COL11A1: variants seen among roughly 807,000 people sequenced by gnomAD.
COL11A1 encodes collagen alpha-1(XI) chain.
In COL11A1, 74 loss-of-function variants were observed where a neutral mutation model predicts 265.2. That is an observed-to-expected ratio of 0.28 (90% CI 0.23 to 0.34). The LOEUF is 0.34. Among genes scored for constraint, COL11A1 ranks in the 10% least tolerant of loss-of-function variants. The pLI is 1.00. For missense variants in COL11A1, 2,165 were observed against 2,263.6 expected (o/e 0.96, Z 0.88); for synonymous variants, 816 against 727.6 (o/e 1.12, Z -1.96).
At chr1:102,979,002 T>A (rs1195752118) in intron 33 of COL11A1, 58 bp downstream of exon 33, 1 of 1,608,460 alleles carries the variant, frequency 6.2e-7, no homozygotes, top group African/African-American at 1.3e-5. Flanking sequence ...AAATAAATTA[T>A]CTTGATACAC....
intron 4 of COL11A1, among the ~76,000 whole-genome samples, chr1:103,056,427 A>C (rs1670256160): frequency 1.3e-5 from 2 of 152,190 alleles, no homozygotes; most frequent in African/African-American, 4.8e-5. Flanking sequence ...AAATACCAAT[A>C]TTCTGACAGT....
At chr1:103,017,996 T>C (rs1462610115) in intron 10 of COL11A1, 114 bp from the exon 11 acceptor site, 2 of 891,220 alleles carry the variant, frequency 2.2e-6, no homozygotes, top group South Asian at 1.4e-5. Context: ...TACACTAGAG[T>C]TCTAAACAGT....
intron 41 of COL11A1, among the ~76,000 whole-genome samples, chr1:102,948,761 A>G (rs1659575414): frequency 6.6e-6 from 1 of 151,742 alleles, no homozygotes; most frequent in South Asian, 2.1e-4. Context: ...TTAATTTAAT[A>G]ATATTAAAAT....
Position 103,018,870 on chromosome 1 carries a change from A to G in COL11A1, c.1309-11T>C. The G allele has an allele frequency of 6.2e-7, 1 of 1,610,024 alleles. No individual in the cohort carries two copies. Among genetic ancestry groups the G allele is most frequent in the East Asian group, 2.2e-5 (1 of 44,782 alleles). ...TTCGACAAGCATACCCTATAACAGG[A>G]AAAGAGAACATCTCTACCAGGGAAA... On this transcript the variant is annotated splice_polypyrimidine_tract_variant and intron_variant, in intron 9 of 66. Transcript: ENST00000370096.
intron 1 of COL11A1, among the ~76,000 whole-genome samples, chr1:103,094,647 A>G (rs1673599977): frequency 6.6e-6 from 1 of 152,088 alleles, no homozygotes; most frequent in East Asian, 1.9e-4. Context: ...AATCTTTATG[A>G]TGATTCACTT....
At position 103,003,253 on chromosome 1, in the gene COL11A1, G is replaced by T; in HGVS notation, c.1960C>A (p.Leu654Met). ...GCTCCTGGAGTTCCCCTTGGACCCA[G>T]CAAACCTCGTGGGCCCTAGGAGAAA... The part of the protein sequence containing the change: ...LPGEAGPRGL[L>M]GPRGTPGAPG... Residue 654 changes from leucine to methionine, a missense_variant, in exon 21 of 67, where the codon CTG becomes ATG. Coordinates refer to ENST00000370096, the MANE Select transcript of COL11A1 (RefSeq NM_001854.4). 1.2e-6 allele frequency: 2 copies of T among 1,613,044 alleles called. No homozygotes were observed. Among genetic ancestry groups the T allele is most frequent in the Admixed American group, 1.7e-5 (1 of 59,828 alleles).
chr1:102,891,351 C>G (rs1191180826), intron 57 of COL11A1, among the ~76,000 whole-genome samples: 1 of 151,842 alleles, frequency 6.6e-6, no homozygotes, highest in Non-Finnish European at 1.5e-5. Flanking sequence ...TAAATTGCAC[C>G]TCATATCTAA....
chr1:103,061,830 G>C (rs910175416), intron 4 of COL11A1, among the ~76,000 whole-genome samples: 1 of 151,802 alleles, frequency 6.6e-6, no homozygotes, highest in Non-Finnish European at 1.5e-5. Context: ...CAGAACAAAA[G>C]AAAATTAAAT....
At chr1:102,925,088 G>A (rs974300246) in intron 46 of COL11A1, among the ~76,000 whole-genome samples, 1 of 151,880 alleles carries the variant, frequency 6.6e-6, no homozygotes, top group African/African-American at 2.4e-5. Flanking sequence ...CAATGTAAAA[G>A]CTCTAAATAA....
Position 103,074,796 on chromosome 1 carries a change from A to G in COL11A1, c.489-16T>C, listed in dbSNP as rs371086230. On this transcript the variant is annotated splice_polypyrimidine_tract_variant and intron_variant, in intron 3 of 66. Transcript: ENST00000370096. ...CCGATGCCACCTAAAAAAGACAAGT[A>G]ATTCTTTTGTAAGCTTCAAAGAAAC... The G allele has an allele frequency of 2.4e-5, 38 of 1,612,476 alleles. No individual in the cohort carries two copies. The highest frequency in any genetic ancestry group is 1.1e-4 in the African/African-American group (8 of 74,860).
rs1480003894 is a variant in COL11A1 at position 102,912,147 on chromosome 1, A to G, written c.4086+12T>C. 1 of 1,604,628 alleles carries G rather than the reference A, an allele frequency of 6.2e-7. No homozygotes were observed. Among genetic ancestry groups the G allele is most frequent in the African/African-American group, 1.3e-5 (1 of 74,754 alleles). On this transcript the variant is annotated intron_variant, in intron 54 of 66. Coordinates refer to ENST00000370096, the MANE Select transcript of COL11A1 (RefSeq NM_001854.4). The stretch of plus-strand genomic sequence containing the variant: ...GAGCATATGTTTCAAATAAAGAATT[A>G]AAGAAACTTACTCGTTTTCCAGGAG...
At chr1:103,075,838 A>C (rs1337446543) in intron 3 of COL11A1, among the ~76,000 whole-genome samples, 1 of 152,122 alleles carries the variant, frequency 6.6e-6, no homozygotes, top group Non-Finnish European at 1.5e-5. Context: ...TTCCATATAC[A>C]CTTAATCTTT....
intron 41 of COL11A1, among the ~76,000 whole-genome samples, chr1:102,960,018 A>G (rs1485482004): frequency 1.3e-5 from 2 of 152,184 alleles, no homozygotes; most frequent in Non-Finnish European, 2.9e-5. Flanking sequence ...TTCTATATCT[A>G]AATAAGAACT....
rs1359714560 is a variant in COL11A1, at chr1:102,887,092, A to G, written c.4609-36T>C. 4 of 1,612,282 alleles carry G rather than the reference A, an allele frequency of 2.5e-6. No homozygotes were observed. In the Admixed American group the frequency reaches 6.7e-5, roughly 27 times the overall value. On this transcript the variant is annotated intron_variant, in intron 62 of 66. Coordinates refer to ENST00000370096, the MANE Select transcript of COL11A1 (RefSeq NM_001854.4). Reference sequence around the variant, plus strand: ...GATAATGTGAGTGCAATTGTTTCATAAAGTGGAATATTCTGCAGATATTAA... The same window carrying G: ...GATAATGTGAGTGCAATTGTTTCATGAAGTGGAATATTCTGCAGATATTAA...
At chr1:103,088,000 T>C (rs1418497027) in intron 1 of COL11A1, among the ~76,000 whole-genome samples, 2 of 152,170 alleles carry the variant, frequency 1.3e-5, no homozygotes, top group East Asian at 1.9e-4. Context: ...ATATGTACTT[T>C]TTATTGTAGT....
intron 1 of COL11A1, among the ~76,000 whole-genome samples, chr1:103,093,308 A>G (rs1327686552): frequency 6.6e-6 from 1 of 152,050 alleles, no homozygotes; most frequent in Admixed American, 6.6e-5. Context: ...TGTCAAGATA[A>G]CAGGAGAAGC....
chr1:103,068,738 T>C (rs1020684415), intron 4 of COL11A1, among the ~76,000 whole-genome samples: 2 of 151,318 alleles, frequency 1.3e-5, no homozygotes, highest in African/African-American at 4.8e-5. Flanking sequence ...AACAAGGCTA[T>C]AGGATACAAG....
intron 64 of COL11A1, 48 bp downstream of exon 64, chr1:102,883,151 C>T: frequency 8.1e-7 from 1 of 1,238,878 alleles, no homozygotes; most frequent in Non-Finnish European, 1.2e-6. Context: ...TATTGCAAAA[C>T]ATGGCAGGAA....
At position 103,031,123 on chromosome 1, in the gene COL11A1, A is replaced by G; in HGVS notation, c.773T>C (p.Ile258Thr). 5.0e-6 allele frequency: 8 copies of G among 1,613,290 alleles called. No homozygotes were observed. The highest frequency in any genetic ancestry group is 5.9e-6 in the Non-Finnish European group (7 of 1,179,566). Residue 258 changes from isoleucine to threonine, a missense_variant, in exon 5 of 67, where the codon ATA becomes ACA. Ile to Thr is a moderately conservative substitution (Grantham distance 89). Transcript: ENST00000370096. ...PKAAQAQEPQIDEYAPEDIIE... is the reference protein window; with the variant it reads ...PKAAQAQEPQTDEYAPEDIIE... ...TGGTCTTGTGCTCCTCACCTCATCTATCTGAGGTTCCTGAGCTTGAGCAGC... is the reference window on the plus strand; with the variant it reads ...TGGTCTTGTGCTCCTCACCTCATCTGTCTGAGGTTCCTGAGCTTGAGCAGC...
Sources: gnomAD v4.1 joint callset for allele counts (sites outside exome capture counted in the v4.1 genomes callset) on GRCh38, gnomAD v4.1.1 for gene constraint, MANE v1.5 for transcripts, NCBI Gene and HGNC (gene_info 2026-07-23, HGNC 2026-07-21) for gene names.